LRRC49: variants seen among roughly 807,000 people sequenced by gnomAD.
LRRC49 encodes leucine rich repeat containing 49.
A neutral mutation model predicts 83.3 loss-of-function variants in LRRC49; 50 were observed. The observed-to-expected ratio is 0.60, with a 90% CI of 0.48 to 0.76. The LOEUF is 0.76. Among genes scored for constraint, LRRC49 ranks in the 30% least tolerant of loss-of-function variants. The pLI is 0.00. For synonymous variants in LRRC49, 286 were observed against 283.3 expected (o/e 1.01, Z -0.10); for missense variants, 704 against 809.1 (o/e 0.87, Z 1.58).
chr15:70,963,359 C>T (rs2036677285), intron 8 of LRRC49, among the ~76,000 whole-genome samples: 1 of 151,144 alleles, frequency 6.6e-6, no homozygotes, highest in African/African-American at 2.4e-5. Context: ...AATAGGGGGT[C>T]ATCCTACAAA....
intron 2 of LRRC49, among the ~76,000 whole-genome samples, chr15:70,877,759 T>A (rs1259413952): frequency 6.6e-6 from 1 of 152,246 alleles, no homozygotes; most frequent in Non-Finnish European, 1.5e-5. Context: ...TTTTCCAAAG[T>A]GCTTGTAGTA....
intron 2 of LRRC49, among the ~76,000 whole-genome samples, chr15:70,883,590 C>T (rs898473056): frequency 9.9e-5 from 15 of 152,036 alleles, no homozygotes; most frequent in African/African-American, 3.6e-4. Context: ...TAGAAGTCTC[C>T]TTTAATAAGA....
chr15:70,944,152 A>G (rs1030322021), intron 8 of LRRC49, among the ~76,000 whole-genome samples: 1 of 152,016 alleles, frequency 6.6e-6, no homozygotes, highest in African/African-American at 2.4e-5. Flanking sequence ...CATGAGAGAA[A>G]CCCCAAATTC....
intron 1 of LRRC49, among the ~76,000 whole-genome samples, chr15:70,868,379 C>T (rs1386901512): frequency 6.6e-6 from 1 of 152,204 alleles, no homozygotes; most frequent in Non-Finnish European, 1.5e-5. Context: ...GCCCTCTAAA[C>T]TAAAATCCCT....
intron 8 of LRRC49, among the ~76,000 whole-genome samples, chr15:70,947,020 A>C (rs2036034091): frequency 6.6e-6 from 1 of 152,172 alleles, no homozygotes; most frequent in Non-Finnish European, 1.5e-5. Flanking sequence ...GCACTGAGTA[A>C]ATGTGAAATA....
chr15:70,859,659 G>A lies in LRRC49; in HGVS notation c.-299+6190G>A, dbSNP rs989120453. ...TCCGAGATGAACTGGAACATCAGCC[G>A]GCTCCAGGCTGAGATTAAGGGCCTC... On this transcript the variant is annotated intron_variant, in intron 1 of 16. Coordinates refer to the LRRC49 transcript ENST00000544974. 51 of 647,496 alleles carry A rather than the reference G, an allele frequency of 7.9e-5. 1 individual carries two copies. The highest frequency in any genetic ancestry group is 1.9e-4 in the South Asian group (14 of 71,900). The allele number at this position is 647,496 out of a possible 1,614,324, so 40.1% of individuals were successfully genotyped here.
chr15:70,914,041 T>G (rs966866422), intron 6 of LRRC49, among the ~76,000 whole-genome samples: 6 of 151,908 alleles, frequency 3.9e-5, no homozygotes, highest in Admixed American at 6.6e-5. Flanking sequence ...ACAAATTACT[T>G]CTCAAGGTTC....
intron 14 of LRRC49, among the ~76,000 whole-genome samples, chr15:71,023,007 G>A (rs909696818): frequency 6.6e-6 from 1 of 152,130 alleles, no homozygotes; most frequent in Non-Finnish European, 1.5e-5. Context: ...TGATAACCAG[G>A]AAATTCCCAT....
intron 7 of LRRC49, among the ~76,000 whole-genome samples, chr15:70,935,847 C>T (rs2035575639): frequency 6.6e-6 from 1 of 152,058 alleles, no homozygotes; most frequent in African/African-American, 2.4e-5. Context: ...TACTCCTGGG[C>T]CACCTTCCCA....
intron 14 of LRRC49, among the ~76,000 whole-genome samples, chr15:71,014,196 G>A (rs2038751341): frequency 6.6e-6 from 1 of 152,104 alleles, no homozygotes; most frequent in East Asian, 1.9e-4. Flanking sequence ...AAAAATTATA[G>A]TTGTCTGAAT....
chr15:71,025,189 T>C (rs1187790030), intron 14 of LRRC49, among the ~76,000 whole-genome samples: 2 of 152,046 alleles, frequency 1.3e-5, no homozygotes, highest in Non-Finnish European at 2.9e-5. Context: ...ATTCAGGAAA[T>C]CCAGAGAACC....
intron 8 of LRRC49, among the ~76,000 whole-genome samples, chr15:70,938,413 T>C (rs2035679829): frequency 6.6e-6 from 1 of 152,162 alleles, no homozygotes. Context: ...CTCTCTGTGA[T>C]TGCTTTCTTT....
chr15:70,890,451 G>T (rs1196650730), upstream of LRRC49, among the ~76,000 whole-genome samples: 1 of 152,084 alleles, frequency 6.6e-6, no homozygotes, highest in Non-Finnish European at 1.5e-5. Context: ...AATATTTATT[G>T]AATTACTTAA....
intron 1 of LRRC49, among the ~76,000 whole-genome samples, chr15:70,868,713 C>T (rs918126964): frequency 6.6e-6 from 1 of 152,136 alleles, no homozygotes; most frequent in African/African-American, 2.4e-5. Context: ...TTGGGTCACC[C>T]CAAATGTGGA....
chr15:70,990,441 G>A (rs969840742), intron 11 of LRRC49, among the ~76,000 whole-genome samples: 5 of 152,230 alleles, frequency 3.3e-5, no homozygotes, highest in African/African-American at 1.2e-4. Flanking sequence ...TCCGAGCCAG[G>A]TGCGGGATAT....
In LRRC49 at chr15:70,868,480, G is replaced by A. The variant is rs547004431; in HGVS notation, c.-298-4428G>A. On this transcript the variant is annotated intron_variant, in intron 1 of 16. Transcript: ENST00000544974. ...CTCAAAATTGGGGAAACACTGTGAGGGCTTAGGCAGAACTCTTCAATGCTT... is the reference window on the plus strand; with the variant it reads ...CTCAAAATTGGGGAAACACTGTGAGAGCTTAGGCAGAACTCTTCAATGCTT... Among the ~76,000 whole-genome samples, 78 of 152,300 alleles carry A rather than the reference G, an allele frequency of 5.1e-4. 1 individual carries two copies. Among genetic ancestry groups the A allele is most frequent in the African/African-American group, 1.7e-3 (72 of 41,568 alleles).
At chr15:70,938,963 T>A (rs2035702824) in intron 8 of LRRC49, among the ~76,000 whole-genome samples, 1 of 152,210 alleles carries the variant, frequency 6.6e-6, no homozygotes, top group African/African-American at 2.4e-5. Flanking sequence ...GTCACACATT[T>A]TAAAAGCATA....
chr15:70,938,739 C>T (rs2035693028), intron 8 of LRRC49, among the ~76,000 whole-genome samples: 1 of 152,132 alleles, frequency 6.6e-6, no homozygotes, highest in Admixed American at 6.5e-5. Flanking sequence ...TTTACAGTGC[C>T]AGCTTTCTGG....
chr15:70,892,121 G>C, upstream of LRRC49: 1 of 1,613,912 alleles, frequency 6.2e-7, no homozygotes, highest in Non-Finnish European at 8.5e-7. Context: ...GCAGATGACC[G>C]AGCGGTCATT....
Sources: gnomAD v4.1 joint callset for allele counts (sites outside exome capture counted in the v4.1 genomes callset) on GRCh38, gnomAD v4.1.1 for gene constraint, MANE v1.5 for transcripts, NCBI Gene and HGNC (gene_info 2026-07-23, HGNC 2026-07-21) for gene names.